The following ZFYVE9 variants were observed in gnomAD, a reference collection of about 807,000 sequenced individuals.
ZFYVE9 encodes zinc finger FYVE domain-containing protein 9.
In ZFYVE9, 43 loss-of-function variants were observed where a neutral mutation model predicts 126.7. The observed-to-expected ratio is 0.34, with a 90% CI of 0.27 to 0.44. The LOEUF (loss-of-function observed/expected upper bound fraction) is 0.44, where lower values mean the gene tolerates loss of function less well. Among genes scored for constraint, ZFYVE9 ranks in the 20% least tolerant of loss-of-function variants. ZFYVE9 has a pLI of 1.00. For missense variants in ZFYVE9, 1,476 were observed against 1,697.0 expected, an observed-to-expected ratio of 0.87 and a Z score of 2.29; for synonymous variants, 521 against 597.4, an observed-to-expected ratio of 0.87 and a Z score of 1.87.
chr1:52,204,244 C>T (rs1398929458), intron 1 of ZFYVE9, among the ~76,000 whole-genome samples: 1 of 152,120 alleles, frequency 6.6e-6, no homozygotes, highest in Admixed American at 6.6e-5. Context: ...AGTCTTTTAG[C>T]AAGCCTCTGC....
chr1:52,294,792 A>G (rs997916094), intron 11 of ZFYVE9, among the ~76,000 whole-genome samples: 17 of 152,226 alleles, frequency 1.1e-4, no homozygotes, highest in Admixed American at 4.6e-4. Context: ...ATTGTGTGCA[A>G]AAGAAGCAAC....
chr1:52,158,805 A>AT (rs112587594), intron 1 of ZFYVE9, among the ~76,000 whole-genome samples: 1,501 of 140,574 alleles, frequency 0.011, 18 homozygotes, highest in African/African-American at 0.03. Context: ...TTGTTCTTGT[A>AT]TTTTTTTTTT....
chr1:52,153,830 T>C (rs925110982), intron 1 of ZFYVE9, among the ~76,000 whole-genome samples: 2 of 152,192 alleles, frequency 1.3e-5, no homozygotes. Context: ...AAGTAGATCA[T>C]TGGGAATGAT....
rs1256950781 is a variant in ZFYVE9, at chr1:52,170,058, TA to T, written c.-143+27660del. ...TTTGAAAAATTTTATTGCTCTTTTT[TA>T]AAAATTCTTCCTATCTTCATTTAAT... On this transcript the variant is annotated intron_variant, in intron 1 of 18. Transcript: ENST00000287727. Among the ~76,000 whole-genome samples, 6 of 152,330 alleles carry T rather than the reference TA, an allele frequency of 3.9e-5. No homozygotes were observed. In the East Asian group the frequency reaches 1.2e-3, roughly 29 times the overall value.
At position 52,344,878 on chromosome 1, in the gene ZFYVE9, C is replaced by T. The variant is rs1053183162; in HGVS notation, c.4050C>T (p.His1350=). 28 of 1,614,060 alleles carry T rather than the reference C, an allele frequency of 1.7e-5. No individual in the cohort carries two copies. In the African/African-American group the frequency reaches 3.1e-4, roughly 18 times the overall value. The stretch of plus-strand genomic sequence containing the variant: ...CTTTTTGCCTTGCTCTCTGTCCTCA[C>T]CTGAAACTTCTGAAGGAAGATGGAA... The part of the protein sequence containing the change: ...AKAFCLALCP[H]LKLLKEDGMT... Residue 1350 remains histidine, a synonymous_variant, in exon 18 of 19, where the codon CAC becomes CAT. Transcript: ENST00000287727.
At chr1:52,189,121 G>T (rs938551343) in intron 1 of ZFYVE9, among the ~76,000 whole-genome samples, 1 of 151,616 alleles carries the variant, frequency 6.6e-6, no homozygotes, top group Admixed American at 6.6e-5. Context: ...ATTTTTAGTA[G>T]AGATGGGGTT....
intron 2 of ZFYVE9, among the ~76,000 whole-genome samples, chr1:52,223,868 A>G (rs1645146264): frequency 6.6e-6 from 1 of 152,126 alleles, no homozygotes; most frequent in Non-Finnish European, 1.5e-5. Context: ...GCGCTCCCAG[A>G]CTATCATGGC....
At chr1:52,254,049 C>A in intron 4 of ZFYVE9, 1 of 754,490 alleles carries the variant, frequency 1.3e-6, no homozygotes, top group Non-Finnish European at 2.3e-6. Context: ...CTGTTCTAGC[C>A]AGTCATCAAA....
At chr1:52,212,838 T>C (rs1401066555) in intron 1 of ZFYVE9, among the ~76,000 whole-genome samples, 1 of 152,212 alleles carries the variant, frequency 6.6e-6, no homozygotes, top group Non-Finnish European at 1.5e-5. Context: ...ATATAAACAT[T>C]ATGGGAACAC....
Position 52,238,185 on chromosome 1 carries a change from C to T in ZFYVE9, c.768C>T (p.Pro256=). The part of the protein sequence containing the change: ...LKDDGSIGRD[P]SMSAITSLTV... ...ATGACGGAAGTATAGGTAGAGACCC[C>T]TCCATGTCTGCGATTACAAGTTTAA... The change falls in exon 4 of 19, where the codon CCC becomes CCT. Residue 256 remains proline (P), a synonymous_variant. Coordinates refer to ENST00000287727, the MANE Select transcript of ZFYVE9 (RefSeq NM_004799.4). The T allele has an allele frequency of 6.2e-7, 1 of 1,614,084 alleles. No individual in the cohort carries two copies. The highest frequency in any genetic ancestry group is 8.5e-7 in the Non-Finnish European group (1 of 1,179,944).
At chr1:52,233,330 G>A in intron 3 of ZFYVE9, 54 bp downstream of exon 3, 1 of 1,264,416 alleles carries the variant, frequency 7.9e-7, no homozygotes, top group Non-Finnish European at 1.1e-6. Flanking sequence ...AGAATGTGGG[G>A]ATATAAGAGG....
At chr1:52,273,572 T>C (rs1312352036) in intron 7 of ZFYVE9, among the ~76,000 whole-genome samples, 1 of 152,122 alleles carries the variant, frequency 6.6e-6, no homozygotes, top group Non-Finnish European at 1.5e-5. Context: ...GGCTCACACC[T>C]GTAATCCTAG....
intron 1 of ZFYVE9, among the ~76,000 whole-genome samples, chr1:52,198,353 C>A (rs1027106751): frequency 1.3e-5 from 2 of 151,820 alleles, no homozygotes; most frequent in Non-Finnish European, 1.5e-5. Flanking sequence ...AGGTGATCCA[C>A]CTGCCTCGAC....
At chr1:52,202,293 T>G (rs1258028655) in intron 1 of ZFYVE9, among the ~76,000 whole-genome samples, 6 of 151,776 alleles carry the variant, frequency 4.0e-5, no homozygotes, top group Non-Finnish European at 8.8e-5. Flanking sequence ...TTGTTTTGTT[T>G]TTTTAAGACA....
intron 8 of ZFYVE9, among the ~76,000 whole-genome samples, 196 bp from the exon 9 acceptor site, chr1:52,278,296 G>C (rs570723574): frequency 6.6e-6 from 1 of 152,298 alleles, no homozygotes; most frequent in South Asian, 2.1e-4. Flanking sequence ...AAGGTGGACT[G>C]GGTCACTTTT....
intron 1 of ZFYVE9, among the ~76,000 whole-genome samples, chr1:52,188,569 TA>T (rs1244483979): frequency 2.6e-5 from 4 of 152,224 alleles, no homozygotes; most frequent in Non-Finnish European, 5.9e-5. Flanking sequence ...ATGATTTCAT[TA>T]AAAATAATAG....
At chr1:52,316,178 A>AAAG (rs1482414858) in intron 13 of ZFYVE9, among the ~76,000 whole-genome samples, 2 of 148,120 alleles carry the variant, frequency 1.4e-5, no homozygotes, top group East Asian at 4.0e-4. Flanking sequence ...AAAAAAAAAA[A>AAAG]AAAAAAAAAA....
chr1:52,196,701 A>G (rs1186798543), intron 1 of ZFYVE9, among the ~76,000 whole-genome samples: 2 of 152,226 alleles, frequency 1.3e-5, no homozygotes, highest in Non-Finnish European at 2.9e-5. Flanking sequence ...TTGATTATTA[A>G]TTGTATAGCA....
At position 52,185,189 on chromosome 1, in the gene ZFYVE9, C is replaced by T. The variant is rs529383079; in HGVS notation, c.-142-31180C>T. ...AACAATTTAATACCTACTAGTTCAG[C>T]TTTTTCATTGAAGAGGGAGTAATAA... On this transcript the variant is annotated intron_variant, in intron 1 of 18. Transcript: ENST00000287727. Among the ~76,000 whole-genome samples, 3 of 152,236 alleles carry T rather than the reference C, an allele frequency of 2.0e-5. No homozygotes were observed. The South Asian group carries it at 6.2e-4, about 32-fold the overall frequency.
Sources: gnomAD v4.1 joint callset for allele counts (sites outside exome capture counted in the v4.1 genomes callset) on GRCh38, gnomAD v4.1.1 for gene constraint, MANE v1.5 for transcripts, NCBI Gene and HGNC (gene_info 2026-07-23, HGNC 2026-07-21) for gene names.